The following RPN1 variants were observed in gnomAD, a reference collection of about 807,000 sequenced individuals.
RPN1 encodes the protein ribophorin I, also known as dolichyl-diphosphooligosaccharide--protein glycosyltransferase subunit 1.
A neutral mutation model predicts 55.5 loss-of-function variants in RPN1; 12 were observed. The ratio of observed to expected loss-of-function variants is 0.22; its 90% CI spans 0.14 to 0.35. The LOEUF is 0.35. Ranked by LOEUF, RPN1 falls within the 10% of genes least tolerant of loss-of-function variation. The probability of loss-of-function intolerance (pLI) is 1.00; values close to 1 mark genes in which losing one functional copy is unlikely to be tolerated. For missense variants in RPN1, 679 were observed against 761.3 expected (o/e 0.89, Z 1.27); for synonymous variants, 317 against 305.9 (o/e 1.04, Z -0.38).
rs1016776185 is a variant in RPN1 at position 128,648,511 on chromosome 3, G to A, written c.261+2029C>T. The stretch of plus-strand genomic sequence containing the variant: ...GGAGGCAGAGGTTGCAGTGAGCCAA[G>A]ATAGCGCCATTGCACTCCAGCATGG... On this transcript the variant is annotated intron_variant, in intron 1 of 9. Coordinates refer to ENST00000296255, the MANE Select transcript of RPN1 (RefSeq NM_002950.4). 2.8e-4 allele frequency among the ~76,000 whole-genome samples: 43 copies of A among 151,894 alleles called. 1 individual carries two copies. The highest frequency in any genetic ancestry group is 1.3e-4 in the Admixed American group (2 of 15,228).
At chr3:128,626,176 C>G (rs2069598743) in intron 6 of RPN1, among the ~76,000 whole-genome samples, 164 bp from the exon 7 acceptor site, 1 of 152,196 alleles carries the variant, frequency 6.6e-6, no homozygotes, top group Non-Finnish European at 1.5e-5. Flanking sequence ...TCTCTTGAGA[C>G]AGGGGAGCCA....
At chr3:128,644,865 C>T in intron 2 of RPN1, 54 bp downstream of exon 2, 4 of 1,013,180 alleles carry the variant, frequency 3.9e-6, no homozygotes, top group Non-Finnish European at 6.3e-6. Flanking sequence ...CCATATGATC[C>T]CAACCCTGAC....
intron 2 of RPN1, among the ~76,000 whole-genome samples, chr3:128,641,962 T>C (rs2069728896): frequency 2.0e-5 from 3 of 152,158 alleles, no homozygotes; most frequent in African/African-American, 7.2e-5. Context: ...ATTATTTTAC[T>C]GATGAGGAAA....
At chr3:128,624,106 G>A (rs764582878) in intron 8 of RPN1, among the ~76,000 whole-genome samples, 1 of 151,884 alleles carries the variant, frequency 6.6e-6, no homozygotes, top group Non-Finnish European at 1.5e-5. Context: ...TGAAACCCAA[G>A]TATACAAAAA....
At chr3:128,644,885 A>G in intron 2 of RPN1, 34 bp downstream of exon 2, 1 of 1,201,256 alleles carries the variant, frequency 8.3e-7, no homozygotes, top group Non-Finnish European at 1.2e-6. Context: ...CATAACCTTT[A>G]ACAAGAGACA....
At chr3:128,648,250 C>T (rs2069784430) in intron 1 of RPN1, among the ~76,000 whole-genome samples, 1 of 152,136 alleles carries the variant, frequency 6.6e-6, no homozygotes, top group African/African-American at 2.4e-5. Context: ...CAACAATTAG[C>T]TGGGCGTGGC....
rs529514664 is a variant in RPN1, at chr3:128,632,649, C to A, written c.634-492G>T. Among the ~76,000 whole-genome samples the A allele has an allele frequency of 2.0e-4, 30 of 151,972 alleles. No individual in the cohort carries two copies. The South Asian group carries it at 6.2e-3, about 31-fold the overall frequency. On this transcript the variant is annotated intron_variant, in intron 3 of 9. Transcript: ENST00000296255. ...TTGCTCTGTCACCCAGGCTGGAGTA[C>A]AATGGTACAACCTCAGCTCACTGCA...
At chr3:128,631,141 C>A (rs1357804812) in intron 4 of RPN1, among the ~76,000 whole-genome samples, 1 of 149,462 alleles carries the variant, frequency 6.7e-6, no homozygotes, top group Admixed American at 6.7e-5. Flanking sequence ...ATGGTTTAGG[C>A]TGGGCATGGT....
chr3:128,650,818 C>G lies in RPN1; in HGVS notation c.-18G>C. 6.7e-7 allele frequency: 1 copy of G among 1,490,604 alleles called. No homozygotes were observed. The highest frequency in any genetic ancestry group is 8.9e-7 in the Non-Finnish European group (1 of 1,118,886). The allele number at this position is 1,490,604 out of a possible 1,614,324, so 92.3% of individuals were successfully genotyped here. On this transcript the variant is annotated 5_prime_UTR_variant, in exon 1 of 10. Transcript: ENST00000296255. ...GCCTCCATGACCGGGAAGAGCAGTG[C>G]GCCAGGGCGGGTAGGGCCCGGGCGC... is the stretch of plus-strand genomic sequence containing the variant.
chr3:128,646,786 A>G (rs1024519253), intron 1 of RPN1, among the ~76,000 whole-genome samples: 2 of 151,848 alleles, frequency 1.3e-5, no homozygotes, highest in Admixed American at 6.6e-5. Context: ...GCAGCTGGCC[A>G]ACATGGTGAA....
intron 5 of RPN1, among the ~76,000 whole-genome samples, chr3:128,628,517 T>C (rs57578289): frequency 7.5e-6 from 1 of 133,472 alleles, no homozygotes; most frequent in Non-Finnish European, 1.6e-5. Context: ...TGGACTCAAG[T>C]GTTACTCCTG....
At chr3:128,634,501 G>A (rs965310077) in intron 3 of RPN1, among the ~76,000 whole-genome samples, 1 of 151,508 alleles carries the variant, frequency 6.6e-6, no homozygotes, top group African/African-American at 2.4e-5. Context: ...AATGTCCATA[G>A]TGTCGATAGT....
At chr3:128,623,912 T>C (rs908640650) in intron 8 of RPN1, among the ~76,000 whole-genome samples, 1 of 152,056 alleles carries the variant, frequency 6.6e-6, no homozygotes, top group African/African-American at 2.4e-5. Flanking sequence ...GCTCTCAGGC[T>C]ACACACATGC....
At chr3:128,632,237 AACCTATAT>A in intron 3 of RPN1, 80 bp from the exon 4 acceptor site, 1 of 1,282,930 alleles carries the variant, frequency 7.8e-7, no homozygotes, top group South Asian at 1.2e-5. Context: ...GATTGGAGAC[AACCTATAT>A]ATCAGCAACA....
chr3:128,632,333 G>C (rs1187761927), intron 3 of RPN1, among the ~76,000 whole-genome samples, 176 bp from the exon 4 acceptor site: 3 of 151,886 alleles, frequency 2.0e-5, no homozygotes, highest in Non-Finnish European at 4.4e-5. Context: ...CTAACATATG[G>C]GAATAAATAT....
intron 8 of RPN1, among the ~76,000 whole-genome samples, chr3:128,624,304 C>T (rs936628766): frequency 6.6e-5 from 10 of 152,022 alleles, no homozygotes; most frequent in African/African-American, 2.4e-4. Context: ...CACGGTGAAA[C>T]CCCGTCTCTA....
At position 128,632,013 on chromosome 3, in the gene RPN1, G is replaced by A. The variant is rs1317128850; in HGVS notation, c.778C>T (p.Pro260Ser). Reference sequence around the variant, plus strand: ...CTCTGGTAATCATAGCGTGAGAAAGGCCCCTTAAGCACAGCTCCTGTGTGC... The same window carrying A: ...CTCTGGTAATCATAGCGTGAGAAAGACCCCTTAAGCACAGCTCCTGTGTGC... ...LKHTGAVLKGPFSRYDYQRQP... is the reference protein window; with the variant it reads ...LKHTGAVLKGSFSRYDYQRQP... Residue 260 changes from proline (P) to serine (S), a missense_variant, in exon 4 of 10, where the codon CCT becomes TCT. Coordinates refer to ENST00000296255, the MANE Select transcript of RPN1 (RefSeq NM_002950.4). 6.2e-7 allele frequency: 1 copy of A among 1,614,138 alleles called. No homozygotes were observed.
Position 128,637,893 on chromosome 3 carries a change from C to T in RPN1, c.539G>A (p.Arg180Gln), listed in dbSNP as rs144201770. 130 of 1,614,120 alleles carry T rather than the reference C, an allele frequency of 8.1e-5. No individual in the cohort carries two copies. In the African/African-American group the frequency reaches 1.3e-3, roughly 17 times the overall value. Reference sequence around the variant, plus strand: ...CAGCTTGGTGTAGCTCTCCACATTTCGAGAGGCAAGCTTCACACGCATGGT... The same window carrying T: ...CAGCTTGGTGTAGCTCTCCACATTTTGAGAGGCAAGCTTCACACGCATGGT... ...TQTMRVKLAS[R>Q]NVESYTKLGN... The change falls in exon 3 of 10, where the codon CGA becomes CAA. Residue 180 changes from arginine to glutamine, a missense_variant. Around this residue, in one of 3 missense-constraint regions of RPN1, gnomAD observed 352 missense variants for 352.8 expected, o/e 1.00. Coordinates refer to ENST00000296255, the MANE Select transcript of RPN1 (RefSeq NM_002950.4).
chr3:128,630,034 G>A lies in RPN1; in HGVS notation c.953C>T (p.Pro318Leu). The A allele has an allele frequency of 3.1e-6, 5 of 1,613,700 alleles. No homozygotes were observed. Among genetic ancestry groups the A allele is most frequent in the Non-Finnish European group, 4.2e-6 (5 of 1,179,610 alleles). The stretch of plus-strand genomic sequence containing the variant: ...CCACCCGCCAAAGAGAGGGAAGCGA[G>A]GCCGGATTTCCATCTCTACAGAGTC... ...LDDSVEMEIR[P>L]RFPLFGGWKT... is the part of the protein sequence containing the mutation. The change falls in exon 5 of 10, where the codon CCT becomes CTT. Residue 318 changes from proline (P) to leucine (L), a missense_variant. By Grantham distance (98) the Pro-to-Leu change is moderately conservative. This residue lies in a region of RPN1 where 306 missense variants were observed against 360.0 expected (regional missense o/e 0.85). Transcript: ENST00000296255.
Sources: allele counts gnomAD v4.1 joint callset (sites outside exome capture counted in the v4.1 genomes callset), GRCh38; gene constraint gnomAD v4.1.1; regional missense constraint gnomAD v4.1.1; transcripts MANE v1.5; gene names NCBI Gene and HGNC (gene_info 2026-07-23, HGNC 2026-07-21).